FAM107A: variants seen among roughly 807,000 people sequenced by gnomAD.
FAM107A encodes the protein actin-associated protein FAM107A.
A neutral mutation model predicts 13.7 loss-of-function variants in FAM107A; 19 were observed. That is an observed-to-expected ratio of 1.38 (90% CI 0.97 to 2.03). FAM107A has a LOEUF of 2.03. FAM107A is among the 30% of genes most tolerant of loss of function. FAM107A has a pLI of 0.00. For missense variants in FAM107A, 203 were observed against 184.4 expected (o/e 1.10, Z -0.58); for synonymous variants, 82 against 74.5 (o/e 1.10, Z -0.52).
chr3:58,593,375 G>C (rs1474572223), intron 1 of FAM107A, among the ~76,000 whole-genome samples: 1 of 152,122 alleles, frequency 6.6e-6, no homozygotes, highest in African/African-American at 2.4e-5. Context: ...ACTATCTGCT[G>C]TCTAGTCATA....
chr3:58,604,942 T>C lies in FAM107A; in HGVS notation c.-69-15673A>G, dbSNP rs1172225465. ...TTATCTTTTTCTGATGAGTGTTAGG[T>C]TTTGTTTTAGCAGGCAGTACAATTA... On this transcript the variant is annotated intron_variant, in intron 1 of 3. Transcript: ENST00000465970. The surrounding 1 kb of genome is among the most constrained non-coding windows in gnomAD (Gnocchi z 4.1). Among the ~76,000 whole-genome samples the C allele has an allele frequency of 6.6e-6, 1 of 151,948 alleles. No homozygotes were observed. Among genetic ancestry groups the C allele is most frequent in the South Asian group, 2.1e-4 (1 of 4,826 alleles).
Position 58,566,622 on chromosome 3 carries a change from A to G in FAM107A, c.401T>C (p.Ile134Thr), listed in dbSNP as rs760593056. Residue 134 changes from isoleucine to threonine, a missense_variant, in exon 4 of 4, where the codon ATT (isoleucine) becomes ACT (threonine). Ile to Thr is a moderately conservative substitution (Grantham distance 89). Transcript: ENST00000360997. ...TCTCTCTTCGCTGGTCAGTGTGGCA[A>G]TTCTCCGCAGGTTTTCCCTGACTTT... ...FIKVRENLRRIATLTSEEREL is the reference protein window; with the variant it reads ...FIKVRENLRRTATLTSEEREL 6.2e-7 allele frequency: 1 copy of G among 1,613,936 alleles called. No individual in the cohort carries two copies. The highest frequency in any genetic ancestry group is 2.2e-5 in the East Asian group (1 of 44,860).
upstream of FAM107A, among the ~76,000 whole-genome samples, chr3:58,590,226 T>G (rs2065644568): frequency 6.6e-6 from 1 of 152,216 alleles, no homozygotes; most frequent in Non-Finnish European, 1.5e-5. Flanking sequence ...CTCCAACATG[T>G]GCCTCCCCTG....
chr3:58,580,501 A>T (rs939317104), upstream of FAM107A, among the ~76,000 whole-genome samples: 1 of 144,564 alleles, frequency 6.9e-6, no homozygotes, highest in African/African-American at 2.6e-5. Context: ...TGCAGCCTTG[A>T]CCTCCTGGGA....
At chr3:58,581,815 G>A (rs913214039), upstream of FAM107A, among the ~76,000 whole-genome samples, 1 of 152,262 alleles carries the variant, frequency 6.6e-6, no homozygotes, top group Admixed American at 6.5e-5. Context: ...GAAGAACTTA[G>A]AGTCTTGTTT....
rs2063604883 is a variant in FAM107A at position 58,564,917 on chromosome 3, G to C, written c.*1671C>G. ...AGCCCTGTGCTGGCAGCACACACAG[G>C]AAAAGCACGACTTCAGTCACCCTCA... On this transcript the variant is annotated 3_prime_UTR_variant, in exon 4 of 4. Coordinates refer to ENST00000360997, the MANE Select transcript of FAM107A (RefSeq NM_001076778.3). This position sits in a 1 kb window ranked among gnomAD's most constrained non-coding sequence, Gnocchi z 5.6. The C allele has an allele frequency of 6.6e-6, 1 of 152,254 alleles. No homozygotes were observed. The highest frequency in any genetic ancestry group is 1.5e-5 in the Non-Finnish European group (1 of 68,072). 9.4% of individuals were successfully genotyped at this position (152,254 alleles called of 1,614,324 possible).
exon 1 of FAM107A, chr3:58,586,934 C>A (rs773171132): frequency 6.5e-7 from 1 of 1,529,454 alleles, no homozygotes; most frequent in South Asian, 1.2e-5. Flanking sequence ...GCCTCTGCGC[C>A]ATGCCCCCGC....
intron 1 of FAM107A, among the ~76,000 whole-genome samples, chr3:58,583,546 C>T (rs1020178441): frequency 1.4e-4 from 21 of 151,668 alleles, no homozygotes; most frequent in Non-Finnish European, 2.1e-4. Context: ...TGCTTGAACT[C>T]GGGAGCCAGA....
upstream of FAM107A, among the ~76,000 whole-genome samples, chr3:58,578,636 C>G (rs2063749344): frequency 1.3e-5 from 2 of 152,174 alleles, no homozygotes; most frequent in Admixed American, 1.3e-4. Flanking sequence ...TCCTTAAGGC[C>G]AGCCTGGATG....
At chr3:58,609,001 G>A (rs2065827131) in intron 1 of FAM107A, 1 of 152,210 alleles carries the variant, frequency 6.6e-6, no homozygotes, top group Admixed American at 6.5e-5. Context: ...AGGGACTCTT[G>A]GCTCTCAGAG....
chr3:58,625,961 A>G (rs1207434242), intron 1 of FAM107A, among the ~76,000 whole-genome samples: 1 of 152,200 alleles, frequency 6.6e-6, no homozygotes, highest in Non-Finnish European at 1.5e-5. Context: ...GGCTTGGGGT[A>G]GCACACTGAG....
intron 1 of FAM107A, among the ~76,000 whole-genome samples, chr3:58,609,953 C>T (rs2065837251): frequency 6.6e-6 from 1 of 152,238 alleles, no homozygotes; most frequent in African/African-American, 2.4e-5. Flanking sequence ...TAGAATGGCA[C>T]TTGGCATACA....
At chr3:58,570,416 CTGTGT>C in intron 1 of FAM107A, 1 of 980,358 alleles carries the variant, frequency 1.0e-6, no homozygotes, top group Middle Eastern at 5.2e-4. Flanking sequence ...TCAGAGACTG[CTGTGT>C]CCCTAATAGC....
chr3:58,579,397 T>G (rs564463263), upstream of FAM107A, among the ~76,000 whole-genome samples: 1 of 152,200 alleles, frequency 6.6e-6, no homozygotes, highest in South Asian at 2.1e-4. Flanking sequence ...TAAAACAATT[T>G]TCTGGAAACA....
rs956884286 is a variant in FAM107A, at chr3:58,564,980, T to G, written c.*1608A>C. ...ATGAGTAAGACCAGAACAATCCCTT[T>G]CCTCCGACAGTCCCACGTTTGCTTC... On this transcript the variant is annotated 3_prime_UTR_variant, in exon 4 of 4. Coordinates refer to ENST00000360997, the MANE Select transcript of FAM107A (RefSeq NM_001076778.3). The surrounding 1 kb of genome is among the most constrained non-coding windows in gnomAD (Gnocchi z 5.6). 1.3e-5 allele frequency: 2 copies of G among 152,220 alleles called. No homozygotes were observed. The highest frequency in any genetic ancestry group is 4.8e-5 in the African/African-American group (2 of 41,454). The allele number at this position is 152,220 out of a possible 1,614,324, so 9.4% of individuals were successfully genotyped here. A position where few individuals can be genotyped will look rare whatever the true frequency, so the allele number is the denominator to read the frequency against.
At chr3:58,570,999 A>G (rs1453520616) in intron 1 of FAM107A, among the ~76,000 whole-genome samples, 1 of 152,232 alleles carries the variant, frequency 6.6e-6, no homozygotes, top group Non-Finnish European at 1.5e-5. Flanking sequence ...TTGCCTGTGG[A>G]CAGACTCTCA....
At chr3:58,611,022 C>T (rs1284058570) in intron 1 of FAM107A, among the ~76,000 whole-genome samples, 2 of 152,206 alleles carry the variant, frequency 1.3e-5, no homozygotes, top group East Asian at 1.9e-4. Context: ...TGAGTTCTCA[C>T]GAGATCTGAG....
At chr3:58,598,411 C>T (rs536448199) in intron 1 of FAM107A, among the ~76,000 whole-genome samples, 4 of 152,304 alleles carry the variant, frequency 2.6e-5, no homozygotes, top group South Asian at 4.1e-4. Flanking sequence ...GGCCTTCTCA[C>T]GCCTCCATTC....
At chr3:58,570,678 C>T (rs115261732) in intron 1 of FAM107A, among the ~76,000 whole-genome samples, 45 of 149,842 alleles carry the variant, frequency 3.0e-4, no homozygotes, top group Non-Finnish European at 6.1e-4. Context: ...AAGGTATAGA[C>T]ACTGCCTGGC....
Sources: allele counts gnomAD v4.1 joint callset (sites outside exome capture counted in the v4.1 genomes callset), GRCh38; gene constraint gnomAD v4.1.1; non-coding constraint Gnocchi (gnomAD v3.1); transcripts MANE v1.5; gene names NCBI Gene and HGNC (gene_info 2026-07-23, HGNC 2026-07-21).